The following MAPK8IP3 variants were observed in gnomAD, a reference collection of about 807,000 sequenced individuals.
MAPK8IP3 encodes C-Jun-amino-terminal kinase-interacting protein 3.
Under a neutral mutation model 157.8 loss-of-function variants are expected in MAPK8IP3, and 49 were observed. The observed-to-expected ratio is 0.31, with a 90% CI of 0.25 to 0.39. The LOEUF (loss-of-function observed/expected upper bound fraction) is 0.39. Among genes scored for constraint, MAPK8IP3 ranks in the 10% least tolerant of loss-of-function variants. MAPK8IP3 has a pLI of 1.00. For synonymous variants in MAPK8IP3, 897 were observed against 777.7 expected (o/e 1.15, Z -2.55); for missense variants, 1,478 against 1,889.4 (o/e 0.78, Z 4.04).
chr16:1,719,705 A>G (rs985183711), intron 1 of MAPK8IP3, among the ~76,000 whole-genome samples: 5 of 150,324 alleles, frequency 3.3e-5, no homozygotes, highest in Admixed American at 2.6e-4. Flanking sequence ...AATTAGCCCA[A>G]TGTGGTGGCA....
At position 1,770,295 on chromosome 16, in the gene MAPK8IP3, G is replaced by A. The variant is rs891975973; in HGVS notation, c.*1471G>A. ...GCAAACCCACATATCTGCTCTGTAT[G>A]TAATAAATGTCTTAACGTCGTAGCT... On this transcript the variant is annotated 3_prime_UTR_variant, in exon 32 of 32. Coordinates refer to ENST00000610761, the MANE Select transcript of MAPK8IP3 (RefSeq NM_001318852.2). 8.4e-6 allele frequency: 2 copies of A among 237,700 alleles called. No individual in the cohort carries two copies. Among genetic ancestry groups the A allele is most frequent in the African/African-American group, 4.5e-5 (2 of 44,388 alleles). The allele number at this position is 237,700 out of a possible 1,614,324, so 14.7% of individuals were successfully genotyped here. A position where few individuals can be genotyped will look rare whatever the true frequency, so the allele number is the denominator to read the frequency against.
In MAPK8IP3 at chr16:1,747,851, A is replaced by G. The variant is rs536654767; in HGVS notation, c.995-393A>G. Among the ~76,000 whole-genome samples the G allele has an allele frequency of 1.1e-4, 17 of 151,334 alleles. 1 individual carries two copies. In the South Asian group the frequency reaches 3.6e-3, roughly 32 times the overall value. On this transcript the variant is annotated intron_variant, in intron 6 of 31. Transcript: ENST00000610761. ...GTCCCACTAACCAGTAGCCTACGTC[A>G]CCCCATGGCACACAGCCCCACTAAC...
intron 8 of MAPK8IP3, chr16:1,752,655 G>T: frequency 4.5e-6 from 1 of 223,338 alleles, no homozygotes; most frequent in Non-Finnish European, 9.4e-6. Flanking sequence ...AAGCTGAAGT[G>T]GGAAGATCAC....
chr16:1,764,032 T>C (rs1394260116), intron 17 of MAPK8IP3, 83 bp from the exon 18 acceptor site: 1 of 1,362,406 alleles, frequency 7.3e-7, no homozygotes, highest in Non-Finnish European at 9.9e-7. Flanking sequence ...CGCCAGAAGC[T>C]GGCAGCCCTA....
chr16:1,733,460 G>A (rs889652371), intron 4 of MAPK8IP3, among the ~76,000 whole-genome samples: 2 of 152,218 alleles, frequency 1.3e-5, no homozygotes, highest in Non-Finnish European at 2.9e-5. Context: ...TGCTGCCGTC[G>A]TCATGGGCCA....
At chr16:1,738,527 T>C (rs1163426184) in intron 4 of MAPK8IP3, among the ~76,000 whole-genome samples, 8 of 124,734 alleles carry the variant, frequency 6.4e-5, no homozygotes, top group South Asian at 3.3e-4. Context: ...TGTGAGCATC[T>C]GTGTGACTGT....
rs200328719 is a variant in MAPK8IP3 at position 1,738,649 on chromosome 16, TGA to T, written c.603-4681_603-4680del. Among the ~76,000 whole-genome samples, 15 of 101,390 alleles carry T rather than the reference TGA, an allele frequency of 1.5e-4. 2 individuals carry two copies. The South Asian group carries it at 4.5e-3, about 30-fold the overall frequency. 66.5% of individuals were successfully genotyped at this position (101,390 alleles called of 152,430 possible). Reference sequence around the variant, plus strand: ...CGGTGTGAGCGTGTGAGCGTCCGTGTGAGTGTGACCATCCATGTGAGCATGTG... The same window carrying T: ...CGGTGTGAGCGTGTGAGCGTCCGTGTGTGTGACCATCCATGTGAGCATGTG... On this transcript the variant is annotated intron_variant, in intron 4 of 31. Transcript: ENST00000610761.
intron 9 of MAPK8IP3, among the ~76,000 whole-genome samples, chr16:1,758,444 G>A (rs2041746544): frequency 6.6e-6 from 1 of 152,218 alleles, no homozygotes; most frequent in South Asian, 2.1e-4. Flanking sequence ...GGCAGTGACT[G>A]GACATGGCCA....
intron 8 of MAPK8IP3, chr16:1,752,666 T>C (rs1441212906): frequency 4.7e-6 from 1 of 212,482 alleles, no homozygotes; most frequent in Non-Finnish European, 9.9e-6. Flanking sequence ...GGAAGATCAC[T>C]TCAGCCTGGG....
intron 5 of MAPK8IP3, chr16:1,745,196 C>T: frequency 1.0e-6 from 1 of 985,110 alleles, no homozygotes; most frequent in Non-Finnish European, 1.2e-6. Flanking sequence ...CTGCAGAATT[C>T]CCCGCAGCCA....
chr16:1,709,807 C>T (rs977538727), intron 1 of MAPK8IP3, among the ~76,000 whole-genome samples: 1 of 152,218 alleles, frequency 6.6e-6, no homozygotes, highest in Non-Finnish European at 1.5e-5. Context: ...TGATCAACTG[C>T]TTAGCTTACA....
rs1402383149 is a variant in MAPK8IP3 at position 1,737,540 on chromosome 16, G to T, written c.603-5792G>T. On this transcript the variant is annotated intron_variant, in intron 4 of 31. Transcript: ENST00000610761. ...CGTCCGTGTGAGTGTGTGACCATTC[G>T]TGTGAGAGTGTGACCATCCATGTGA... Among the ~76,000 whole-genome samples the T allele has an allele frequency of 1.9e-5, 2 of 104,384 alleles. 1 individual carries two copies. The allele number at this position is 104,384 out of a possible 152,430, so 68.5% of individuals were successfully genotyped here.
intron 17 of MAPK8IP3, 163 bp from the exon 18 acceptor site, chr16:1,763,952 C>A: frequency 9.4e-7 from 1 of 1,067,846 alleles, no homozygotes; most frequent in Non-Finnish European, 1.3e-6. Flanking sequence ...GGGCAGGGGT[C>A]TGGAGGGTCG....
intron 4 of MAPK8IP3, among the ~76,000 whole-genome samples, chr16:1,740,511 G>T (rs1019902532): frequency 6.6e-6 from 1 of 152,202 alleles, no homozygotes; most frequent in East Asian, 1.9e-4. Context: ...GAGCGTGTGC[G>T]CACGCTGTGG....
chr16:1,708,695 C>A (rs2037560010), intron 1 of MAPK8IP3, among the ~76,000 whole-genome samples: 1 of 152,092 alleles, frequency 6.6e-6, no homozygotes, highest in South Asian at 2.1e-4. Context: ...CCCACCATTG[C>A]CCCAGCGCTT....
intron 1 of MAPK8IP3, among the ~76,000 whole-genome samples, chr16:1,722,446 A>G (rs867315666): frequency 1.3e-5 from 2 of 152,194 alleles, no homozygotes; most frequent in Non-Finnish European, 2.9e-5. Flanking sequence ...TCCGGGTGGG[A>G]GAGTGGGTAG....
intron 4 of MAPK8IP3, among the ~76,000 whole-genome samples, chr16:1,737,032 G>T (rs2039977252): frequency 1.1e-5 from 1 of 87,554 alleles, no homozygotes. Context: ...GACCATCCAT[G>T]TGAGCATCCG....
chr16:1,767,987 C>G (rs2042374858), intron 28 of MAPK8IP3, 69 bp downstream of exon 28: 2 of 1,609,074 alleles, frequency 1.2e-6, no homozygotes, highest in Middle Eastern at 1.7e-4. Context: ...CGGGGTGGCT[C>G]TGCAGGGCCA....
At chr16:1,735,570 TGA>T (rs1433678187) in intron 4 of MAPK8IP3, among the ~76,000 whole-genome samples, 6 of 140,294 alleles carry the variant, frequency 4.3e-5, no homozygotes, top group Admixed American at 1.4e-4. Context: ...ACCGTCCATG[TGA>T]GAGTCCGTGT....
Sources: gnomAD v4.1 joint callset for allele counts (sites outside exome capture counted in the v4.1 genomes callset) on GRCh38, gnomAD v4.1.1 for gene constraint, MANE v1.5 for transcripts, NCBI Gene and HGNC (gene_info 2026-07-23, HGNC 2026-07-21) for gene names.